MN1: variants seen among roughly 807,000 people sequenced by gnomAD.
MN1 encodes transcriptional activator MN1.
Under a neutral mutation model 86.9 loss-of-function variants are expected in MN1, and 19 were observed. The ratio of observed to expected loss-of-function variants is 0.22; its 90% CI spans 0.15 to 0.32. The LOEUF (loss-of-function observed/expected upper bound fraction) is 0.32. Ranked by LOEUF, MN1 falls within the 10% of genes least tolerant of loss-of-function variation. The pLI, the probability that MN1 is intolerant of heterozygous loss-of-function variation, is 1.00. For synonymous variants in MN1, 928 were observed against 849.6 expected (o/e 1.09, Z -1.60); for missense variants, 1,841 against 1,862.0 (o/e 0.99, Z 0.21).
Position 27,798,249 on chromosome 22 carries a change from C to T in MN1, c.2295G>A (p.Ser765=), listed in dbSNP as rs1321206092. ...STPHSGPGVN[S]PPSAGGGGGS... is the part of the protein sequence containing the mutation. ...CACCGCCCCCTCCCGCGCTGGGGGG[C>T]GAGTTCACGCCTGGACCGCTGTGCG... is the stretch of plus-strand genomic sequence containing the variant. Residue 765 remains serine, a synonymous_variant, in exon 1 of 2, where the codon TCG becomes TCA. Coordinates refer to ENST00000302326, the MANE Select transcript of MN1 (RefSeq NM_002430.3). The T allele has an allele frequency of 6.6e-7, 1 of 1,515,672 alleles. No homozygotes were observed. The allele number at this position is 1,515,672 out of a possible 1,614,324, so 93.9% of individuals were successfully genotyped here. A position where few individuals can be genotyped will look rare whatever the true frequency, so the allele number is the denominator to read the frequency against.
chr22:27,799,393 C>T lies in MN1; in HGVS notation c.1151G>A (p.Gly384Asp). ...CPPALPRPQQ[G>D]EAGTPSGGLQ... ...GCCGCCGCTGGGCGTGCCCGCCTCG[C>T]CCTGCTGGGGCCGAGGGAGCGCAGG... The change falls in exon 1 of 2, where the codon GGC (glycine) becomes GAC (aspartate). Residue 384 changes from glycine to aspartate, a missense_variant. Gly to Asp is a moderately conservative substitution (Grantham distance 94). Coordinates refer to ENST00000302326, the MANE Select transcript of MN1 (RefSeq NM_002430.3). 1 of 1,524,726 alleles carries T rather than the reference C, an allele frequency of 6.6e-7. No individual in the cohort carries two copies. The allele number at this position is 1,524,726 out of a possible 1,614,324, so 94.4% of individuals were successfully genotyped here. A position where few individuals can be genotyped will look rare whatever the true frequency, so the allele number is the denominator to read the frequency against.
intron 1 of MN1, among the ~76,000 whole-genome samples, chr22:27,774,633 T>C (rs1350938481): frequency 2.0e-5 from 3 of 152,246 alleles, no homozygotes; most frequent in African/African-American, 7.2e-5. Flanking sequence ...ATAATACCAA[T>C]TAATGTGCAC....
intron 1 of MN1, among the ~76,000 whole-genome samples, chr22:27,768,589 T>C (rs1264448885): frequency 2.6e-5 from 4 of 152,056 alleles, no homozygotes; most frequent in African/African-American, 7.2e-5. Context: ...GAGTCTAGAG[T>C]TGGGTTGTCC....
chr22:27,770,739 G>T (rs1253677131), intron 1 of MN1, among the ~76,000 whole-genome samples: 1 of 151,888 alleles, frequency 6.6e-6, no homozygotes, highest in African/African-American at 2.4e-5. Context: ...GCTTACTCTA[G>T]TCTCAACCTC....
rs898536454 is a variant in MN1 at position 27,800,648 on chromosome 22, C to T, written c.-105G>A. 27 of 1,534,938 alleles carry T rather than the reference C, an allele frequency of 1.8e-5. No individual in the cohort carries two copies. The South Asian group carries it at 2.8e-4, about 16-fold the overall frequency. Reference sequence around the variant, plus strand: ...CAGCCCAGGATTGGGCGCTCCGGGACGCTCAGCACCGCGGGGGCTCAGCGC... The same window carrying T: ...CAGCCCAGGATTGGGCGCTCCGGGATGCTCAGCACCGCGGGGGCTCAGCGC... On this transcript the variant is annotated 5_prime_UTR_variant, in exon 1 of 2. Transcript: ENST00000302326.
chr22:27,778,425 A>AG (rs1246338320), intron 1 of MN1, among the ~76,000 whole-genome samples: 1 of 152,218 alleles, frequency 6.6e-6, no homozygotes, highest in Admixed American at 6.5e-5. Flanking sequence ...GCCATCCCAC[A>AG]GGGGGACGCC....
chr22:27,796,777 G>C lies in MN1; in HGVS notation c.3767C>G (p.Pro1256Arg). Reference protein sequence around the residue: ...APWEKAKPQNPNSKEAHDLPA... With the variant: ...APWEKAKPQNRNSKEAHDLPA... Reference sequence around the variant, plus strand: ...TGTGCATATACCTTCTTTGCTGTTGGGGTTCTGGGGTTTGGCCTTCTCCCA... The same window carrying C: ...TGTGCATATACCTTCTTTGCTGTTGCGGTTCTGGGGTTTGGCCTTCTCCCA... The change falls in exon 1 of 2, where the codon CCC (proline) becomes CGC (arginine). Residue 1256 changes from proline to arginine, a missense_variant. Pro to Arg is a moderately radical substitution (Grantham distance 103, BLOSUM62 -2). Transcript: ENST00000302326. 13 of 1,599,324 alleles carry C rather than the reference G, an allele frequency of 8.1e-6. No individual in the cohort carries two copies. The highest frequency in any genetic ancestry group is 1.1e-5 in the Non-Finnish European group (13 of 1,175,698).
At chr22:27,772,806 G>C (rs1389678753) in intron 1 of MN1, among the ~76,000 whole-genome samples, 1 of 151,976 alleles carries the variant, frequency 6.6e-6, no homozygotes, top group African/African-American at 2.4e-5. Flanking sequence ...TCAGGGTTTG[G>C]TACTTAGCAA....
At chr22:27,756,946 G>C (rs1932805649) in intron 1 of MN1, among the ~76,000 whole-genome samples, 1 of 152,032 alleles carries the variant, frequency 6.6e-6, no homozygotes, top group African/African-American at 2.4e-5. Flanking sequence ...ATTTTGTAGA[G>C]ATGAGGTTCT....
At chr22:27,782,908 G>A (rs1385091894) in intron 1 of MN1, among the ~76,000 whole-genome samples, 3 of 152,000 alleles carry the variant, frequency 2.0e-5, no homozygotes, top group African/African-American at 7.3e-5. Context: ...TTTTATCTAT[G>A]AGGAAAGAAA....
intron 1 of MN1, among the ~76,000 whole-genome samples, chr22:27,759,268 G>A (rs1049893265): frequency 6.6e-6 from 1 of 152,096 alleles, no homozygotes; most frequent in African/African-American, 2.4e-5. Flanking sequence ...AGAATGACCT[G>A]CCTTGGCTGC....
At chr22:27,783,835 T>C (rs1297595) in intron 1 of MN1, among the ~76,000 whole-genome samples, 121,293 of 152,164 alleles carry the variant, frequency 0.8, 48,790 homozygotes, top group African/African-American at 0.91. Flanking sequence ...AGTCTGGACG[T>C]CTAAGCTGCC....
At chr22:27,785,639 G>C (rs1933121292) in intron 1 of MN1, among the ~76,000 whole-genome samples, 1 of 152,118 alleles carries the variant, frequency 6.6e-6, no homozygotes, top group African/African-American at 2.4e-5. Context: ...CCATAAGCCA[G>C]AACGCCTCTG....
At chr22:27,765,087 C>G (rs1391688729) in intron 1 of MN1, among the ~76,000 whole-genome samples, 1 of 152,220 alleles carries the variant, frequency 6.6e-6, no homozygotes, top group African/African-American at 2.4e-5. Flanking sequence ...AATTAACCAT[C>G]ACAGTATATA....
chr22:27,779,553 A>G (rs1202512816), intron 1 of MN1, among the ~76,000 whole-genome samples: 2 of 152,192 alleles, frequency 1.3e-5, no homozygotes. Context: ...AAGTGGTTCT[A>G]AGCACGGGCT....
At position 27,800,819 on chromosome 22, in the gene MN1, C is replaced by A; in HGVS notation, c.-276G>T. On this transcript the variant is annotated 5_prime_UTR_variant, in exon 1 of 2. Transcript: ENST00000302326. ...CGTGTTGGGGGGCCCATGCCCCGGGCGGTTGTCACAGCCGCGGGTGGGTCT... is the reference window on the plus strand; with the variant it reads ...CGTGTTGGGGGGCCCATGCCCCGGGAGGTTGTCACAGCCGCGGGTGGGTCT... The A allele has an allele frequency of 2.6e-6, 1 of 387,376 alleles. No homozygotes were observed. The highest frequency in any genetic ancestry group is 4.6e-6 in the Non-Finnish European group (1 of 215,648). 24.0% of individuals were successfully genotyped at this position (387,376 alleles called of 1,614,324 possible). A position where few individuals can be genotyped will look rare whatever the true frequency, so the allele number is the denominator to read the frequency against.
rs1216829399 is a variant in MN1, at chr22:27,796,828, G to C, written c.3716C>G (p.Ala1239Gly). The change falls in exon 1 of 2, where the codon GCG becomes GGG. Residue 1239 changes from alanine (A) to glycine (G), a missense_variant. Transcript: ENST00000302326. Reference sequence around the variant, plus strand: ...GGGCGCCAACGTCTTGTCGTCGTCCGCGCTGTCCACCAGGGCCTTGTCAGC... The same window carrying C: ...GGGCGCCAACGTCTTGTCGTCGTCCCCGCTGTCCACCAGGGCCTTGTCAGC... ...MPADKALVDS[A>G]DDDKTLAPWE... 3.1e-6 allele frequency: 5 copies of C among 1,611,900 alleles called. No individual in the cohort carries two copies. The highest frequency in any genetic ancestry group is 3.3e-5 in the Admixed American group (2 of 59,982).
rs550330343 is a variant in MN1, at chr22:27,778,304, G to A, written c.3781+18459C>T. Among the ~76,000 whole-genome samples, 8 of 152,298 alleles carry A rather than the reference G, an allele frequency of 5.3e-5. No homozygotes were observed. The East Asian group carries it at 9.6e-4, about 18-fold the overall frequency. ...GGTTGGCGTTGTAACACATCTAGCC[G>A]TTGAGGGAATTTCTGCCAGCTGCCG... is the stretch of plus-strand genomic sequence containing the variant. On this transcript the variant is annotated intron_variant, in intron 1 of 1. Transcript: ENST00000302326.
chr22:27,790,035 G>A (rs549944634), intron 1 of MN1, among the ~76,000 whole-genome samples: 3 of 152,330 alleles, frequency 2.0e-5, no homozygotes, highest in Non-Finnish European at 2.9e-5. Context: ...GGAGAAACCC[G>A]TGGCCATTTC....
Sources: gnomAD v4.1 joint callset for allele counts (sites outside exome capture counted in the v4.1 genomes callset) on GRCh38, gnomAD v4.1.1 for gene constraint, MANE v1.5 for transcripts, NCBI Gene and HGNC (gene_info 2026-07-23, HGNC 2026-07-21) for gene names.